The following VSTM4 variants were observed in gnomAD, a reference collection of about 807,000 sequenced individuals.
VSTM4 encodes V-set and transmembrane domain-containing protein 4.
In VSTM4, 20 loss-of-function variants were observed where a neutral mutation model predicts 36.4. The observed-to-expected ratio is 0.55, with a 90% CI of 0.39 to 0.80. The LOEUF is 0.80. Among genes scored for constraint, VSTM4 ranks in the 30% least tolerant of loss-of-function variants. The pLI is 0.00. For missense variants in VSTM4, 392 were observed against 404.5 expected (o/e 0.97, Z 0.26); for synonymous variants, 182 against 173.9 (o/e 1.05, Z -0.37).
chr10:49,101,187 A>T (rs1168027934), intron 2 of VSTM4, among the ~76,000 whole-genome samples: 2 of 152,180 alleles, frequency 1.3e-5, no homozygotes, highest in African/African-American at 4.8e-5. Context: ...ACATTTCAAT[A>T]AAAAATTCCA....
At chr10:49,106,211 G>A (rs1312591931) in intron 2 of VSTM4, among the ~76,000 whole-genome samples, 1 of 152,044 alleles carries the variant, frequency 6.6e-6, no homozygotes, top group South Asian at 2.1e-4. Context: ...ACTAAGTTTT[G>A]TCCTTTAAAA....
intron 4 of VSTM4, among the ~76,000 whole-genome samples, chr10:49,071,304 C>A (rs567476754): frequency 1.3e-5 from 2 of 152,270 alleles, no homozygotes; most frequent in Admixed American, 1.3e-4. Flanking sequence ...AGGACTAATT[C>A]GCGAACAAGC....
At chr10:49,031,428 C>T (rs376510776) in intron 7 of VSTM4, among the ~76,000 whole-genome samples, 2 of 151,918 alleles carry the variant, frequency 1.3e-5, no homozygotes, top group African/African-American at 2.4e-5. Context: ...ACAGTAAATG[C>T]TATACAAGTG....
chr10:49,066,861 C>G (rs577325871), intron 4 of VSTM4, among the ~76,000 whole-genome samples: 1 of 152,058 alleles, frequency 6.6e-6, no homozygotes, highest in Non-Finnish European at 1.5e-5. Flanking sequence ...TTTGTACACA[C>G]ATATTATCTT....
chr10:49,107,843 A>G lies in VSTM4; in HGVS notation c.208T>C (p.Ser70Pro). The change falls in exon 2 of 8, where the codon TCC becomes CCC. Residue 70 changes from serine (S) to proline (P), a missense_variant. Transcript: ENST00000332853. ...ATCTTCACCATCAAGGCCTCCTGGG[A>G]GTCGAAGGAGTGTGCAAAGAACCAG... ...VRWFFAHSFD[S>P]QEALMVKMTK... 1 of 1,614,226 alleles carries G rather than the reference A, an allele frequency of 6.2e-7. No homozygotes were observed. Among genetic ancestry groups the G allele is most frequent in the South Asian group, 1.1e-5 (1 of 91,082 alleles).
chr10:49,020,951 A>G (rs769576745), intron 7 of VSTM4, among the ~76,000 whole-genome samples: 2 of 152,206 alleles, frequency 1.3e-5, no homozygotes, highest in Non-Finnish European at 2.9e-5. Context: ...AATATAATTC[A>G]TAATAGTAAT....
intron 2 of VSTM4, among the ~76,000 whole-genome samples, chr10:49,087,792 A>G (rs1311469583): frequency 6.6e-6 from 1 of 151,920 alleles, no homozygotes; most frequent in Non-Finnish European, 1.5e-5. Context: ...AAACGTCTCC[A>G]GCAATTGGGC....
Position 49,015,191 on chromosome 10 carries a change from G to C in VSTM4, c.*4459C>G, listed in dbSNP as rs531083748. The C allele has an allele frequency of 2.7e-5, 4 of 148,194 alleles. No homozygotes were observed. Among genetic ancestry groups the C allele is most frequent in the Non-Finnish European group, 5.9e-5 (4 of 67,616 alleles). 9.2% of individuals were successfully genotyped at this position (148,194 alleles called of 1,614,324 possible). On this transcript the variant is annotated 3_prime_UTR_variant, in exon 8 of 8. Coordinates refer to ENST00000332853, the MANE Select transcript of VSTM4 (RefSeq NM_001031746.5). Reference sequence around the variant, plus strand: ...GGCTGGAGTGCAGCAGCACGATCTCGGCTCACTGCAAGCTCCGCCTCCCGG... The same window carrying C: ...GGCTGGAGTGCAGCAGCACGATCTCCGCTCACTGCAAGCTCCGCCTCCCGG...
At position 49,048,541 on chromosome 10, in the gene VSTM4, G is replaced by A. The variant is rs1264365840; in HGVS notation, c.712C>T (p.Gln238Ter). 2 of 1,597,980 alleles carry A rather than the reference G, an allele frequency of 1.3e-6. No homozygotes were observed. The highest frequency in any genetic ancestry group is 1.1e-5 in the South Asian group (1 of 87,784). ...TTCTGCCTCTTGCCCTTCTTGGGCT[G>A]TAGTGGGGCCAAGCTGGTCACGCTA... is the stretch of plus-strand genomic sequence containing the variant. The part of the protein sequence containing the change: ...VTSVTSLAPL[Q>*]PKKGKRQKEK... The change falls in exon 6 of 8, where the codon CAG becomes TAG. Residue 238 changes from glutamine to a stop codon, truncating the protein, a stop_gained. Coordinates refer to ENST00000332853, the MANE Select transcript of VSTM4 (RefSeq NM_001031746.5). LOFTEE classifies it high-confidence loss of function.
chr10:49,023,519 A>G (rs908776830), intron 7 of VSTM4, among the ~76,000 whole-genome samples: 2 of 152,210 alleles, frequency 1.3e-5, no homozygotes, highest in African/African-American at 2.4e-5. Context: ...TGGTGGTAAA[A>G]CCAAGAGCCA....
intron 5 of VSTM4, among the ~76,000 whole-genome samples, chr10:49,056,911 G>A (rs1266974947): frequency 1.3e-5 from 2 of 152,164 alleles, no homozygotes; most frequent in African/African-American, 4.8e-5. Flanking sequence ...GAAGCACGGT[G>A]CTGGCATCTG....
At chr10:49,078,299 G>A (rs1463745436) in intron 3 of VSTM4, among the ~76,000 whole-genome samples, 1 of 152,162 alleles carries the variant, frequency 6.6e-6, no homozygotes, top group African/African-American at 2.4e-5. Context: ...CCCAGAAATT[G>A]CATTCCTTGC....
Position 49,044,409 on chromosome 10 carries a change from AAGAG to A in VSTM4, c.837+2570_837+2573del, listed in dbSNP as rs545160572. Among the ~76,000 whole-genome samples the A allele has an allele frequency of 2.0e-3, 295 of 148,786 alleles. 3 individuals carry two copies. Among genetic ancestry groups the A allele is most frequent in the African/African-American group, 7.2e-3 (283 of 39,164 alleles). Reference sequence around the variant, plus strand: ...AAGGAGAGAGAGAGAAAGAAAAAGAAAGAGAGAAAGAAAGAAAAAGAAAAGAAGG... The same window carrying A: ...AAGGAGAGAGAGAGAAAGAAAAAGAAAGAAAGAAAGAAAAAGAAAAGAAGG... On this transcript the variant is annotated intron_variant, in intron 7 of 7. Coordinates refer to ENST00000332853, the MANE Select transcript of VSTM4 (RefSeq NM_001031746.5).
intron 5 of VSTM4, among the ~76,000 whole-genome samples, chr10:49,053,835 C>T (rs56157539): frequency 0.17 from 26,515 of 152,158 alleles, 2,641 homozygotes; most frequent in Non-Finnish European, 0.23. Flanking sequence ...TGGAAAGCAC[C>T]GCTGCAGGAC....
intron 2 of VSTM4, among the ~76,000 whole-genome samples, chr10:49,090,107 G>A (rs1844445389): frequency 6.6e-6 from 1 of 152,236 alleles, no homozygotes; most frequent in African/African-American, 2.4e-5. Flanking sequence ...AGTGGCAAAT[G>A]TTCCAACCAC....
chr10:49,107,985 C>A lies in VSTM4; in HGVS notation c.66G>T (p.Ala22=). ...CCGGGGACACAGTGACATTGAGGGCCGCACAGACCTCTGCAGAGAAAAAGG... is the reference window on the plus strand; with the variant it reads ...CCGGGGACACAGTGACATTGAGGGCAGCACAGACCTCTGCAGAGAAAAAGG... ...LARAPAPEVC[A]ALNVTVSPGP... is the part of the protein sequence containing the mutation. The change falls in exon 2 of 8, where the codon GCG becomes GCT. Residue 22 remains alanine, a synonymous_variant. Transcript: ENST00000332853. The A allele has an allele frequency of 1.3e-6, 2 of 1,577,152 alleles. No individual in the cohort carries two copies. Among genetic ancestry groups the A allele is most frequent in the Admixed American group, 1.8e-5 (1 of 54,254 alleles).
intron 1 of VSTM4, among the ~76,000 whole-genome samples, chr10:49,108,464 C>T (rs773751647): frequency 8.5e-5 from 13 of 152,268 alleles, no homozygotes; most frequent in Middle Eastern, 3.4e-3. Context: ...GGTGGGGAGC[C>T]GCCCTGGAGC....
chr10:49,085,289 G>A (rs1157340462), intron 3 of VSTM4, among the ~76,000 whole-genome samples: 1 of 152,236 alleles, frequency 6.6e-6, no homozygotes, highest in South Asian at 2.1e-4. Context: ...CAATCATCTG[G>A]GGAGCTTTTA....
chr10:49,037,284 G>C (rs767701748), intron 7 of VSTM4, among the ~76,000 whole-genome samples: 5 of 152,206 alleles, frequency 3.3e-5, no homozygotes, highest in Non-Finnish European at 7.3e-5. Flanking sequence ...AGTCTGAAAA[G>C]TTAGTCAGAG....
Sources: allele counts gnomAD v4.1 joint callset (sites outside exome capture counted in the v4.1 genomes callset), GRCh38; gene constraint gnomAD v4.1.1; transcripts MANE v1.5; gene names NCBI Gene and HGNC (gene_info 2026-07-23, HGNC 2026-07-21).